EMID1: variants seen among roughly 807,000 people sequenced by gnomAD.
EMID1 encodes EMI domain containing 1.
EMID1 carries 40 observed loss-of-function variants against 60.6 expected under a neutral mutation model. The ratio of observed to expected loss-of-function variants is 0.66; its 90% CI spans 0.51 to 0.86. EMID1 has a LOEUF of 0.86. Ranked by LOEUF, EMID1 falls within the 40% of genes least tolerant of loss-of-function variation. EMID1 has a pLI of 0.00. For missense variants in EMID1, 585 were observed against 597.1 expected, an observed-to-expected ratio of 0.98 and a Z score of 0.21; for synonymous variants, 242 against 231.0, an observed-to-expected ratio of 1.05 and a Z score of -0.43.
At chr22:29,226,638 C>A in intron 5 of EMID1, 87 bp downstream of exon 5, 1 of 1,387,980 alleles carries the variant, frequency 7.2e-7, no homozygotes, top group East Asian at 2.5e-5. Flanking sequence ...ACCTCCTTCC[C>A]CGCACCCCAT....
chr22:29,232,049 C>T, intron 7 of EMID1: 1 of 612,792 alleles, frequency 1.6e-6, no homozygotes, highest in Non-Finnish European at 2.9e-6. Context: ...GGTTTGGGAG[C>T]CCCAAGGAAG....
chr22:29,229,033 C>T (rs1782984431), intron 5 of EMID1, among the ~76,000 whole-genome samples: 1 of 152,168 alleles, frequency 6.6e-6, no homozygotes, highest in African/African-American at 2.4e-5. Flanking sequence ...CAATACTTCC[C>T]TTCCCTAATA....
At chr22:29,212,725 G>A (rs555848469) in intron 1 of EMID1, among the ~76,000 whole-genome samples, 2 of 151,414 alleles carry the variant, frequency 1.3e-5, no homozygotes, top group South Asian at 2.1e-4. Context: ...CATCACACCC[G>A]GCTAATTTTT....
chr22:29,225,008 C>T (rs2040446276), intron 3 of EMID1, 125 bp from the exon 4 acceptor site: 1 of 920,298 alleles, frequency 1.1e-6, no homozygotes, highest in South Asian at 1.5e-5. Flanking sequence ...CATTGCCTCT[C>T]CTCTGGGCCT....
At position 29,236,837 on chromosome 22, in the gene EMID1, C is replaced by T. The variant is rs191576244; in HGVS notation, c.1074+2488C>T. Among the ~76,000 whole-genome samples, 250 of 150,680 alleles carry T rather than the reference C, an allele frequency of 1.7e-3. 1 individual carries two copies. The highest frequency in any genetic ancestry group is 5.9e-3 in the African/African-American group (242 of 41,026). ...TTTGAGGCAGAGTCTTGCTCTGTCG[C>T]CCAGGCTGGAGTCTAGTGGCTGGAT... On this transcript the variant is annotated intron_variant, in intron 12 of 14. Transcript: ENST00000334018.
At chr22:29,213,927 C>T (rs931566337) in intron 1 of EMID1, among the ~76,000 whole-genome samples, 12 of 152,164 alleles carry the variant, frequency 7.9e-5, no homozygotes, top group Admixed American at 7.2e-4. Context: ...GGCTTCTCCA[C>T]GCACCAGCTG....
chr22:29,231,532 G>A (rs1305846468), intron 6 of EMID1, 61 bp from the exon 7 acceptor site: 2 of 1,519,240 alleles, frequency 1.3e-6, no homozygotes, highest in Non-Finnish European at 8.9e-7. Flanking sequence ...GGGGGGCTGG[G>A]GCCAGGGTGG....
intron 13 of EMID1, among the ~76,000 whole-genome samples, chr22:29,246,730 T>C (rs560931241): frequency 6.6e-6 from 1 of 152,296 alleles, no homozygotes; most frequent in African/African-American, 2.4e-5. Flanking sequence ...GACTGGGTTG[T>C]CATCAGTGCA....
chr22:29,215,237 G>A, intron 2 of EMID1, 198 bp downstream of exon 2: 1 of 985,426 alleles, frequency 1.0e-6, no homozygotes, highest in Non-Finnish European at 1.2e-6. Context: ...CCTGAGGGAT[G>A]GATACACCAT....
intron 12 of EMID1, among the ~76,000 whole-genome samples, chr22:29,237,522 G>A (rs942511962): frequency 5.6e-5 from 8 of 144,088 alleles, no homozygotes; most frequent in Non-Finnish European, 7.5e-5. Context: ...TTTCTGGCCA[G>A]GCACGGTGGC....
intron 13 of EMID1, among the ~76,000 whole-genome samples, chr22:29,248,360 G>A (rs2041407019): frequency 6.7e-6 from 1 of 148,276 alleles, no homozygotes; most frequent in Admixed American, 7.0e-5. Flanking sequence ...AGGATCATCA[G>A]TATCACTGTC....
At chr22:29,214,874 A>G in intron 1 of EMID1, 52 bp from the exon 2 acceptor site, 2 of 1,353,036 alleles carry the variant, frequency 1.5e-6, no homozygotes. Context: ...TGGAGTCCCC[A>G]GCAGGGGACC....
At chr22:29,212,142 C>T (rs941051521) in intron 1 of EMID1, among the ~76,000 whole-genome samples, 3 of 152,100 alleles carry the variant, frequency 2.0e-5, no homozygotes, top group Admixed American at 1.3e-4. Flanking sequence ...CACACCACCA[C>T]GCCCAGCTAA....
intron 12 of EMID1, among the ~76,000 whole-genome samples, chr22:29,236,413 G>A (rs920770210): frequency 7.2e-5 from 11 of 152,048 alleles, no homozygotes; most frequent in Admixed American, 1.3e-4. Context: ...TAAATAGTCT[G>A]TGCACGGTGG....
At chr22:29,242,624 A>G (rs922084637) in intron 12 of EMID1, among the ~76,000 whole-genome samples, 2 of 152,220 alleles carry the variant, frequency 1.3e-5, no homozygotes, top group African/African-American at 4.8e-5. Flanking sequence ...AAAAGACTCT[A>G]AATTCTGTTA....
chr22:29,248,343 C>T (rs1376922304), intron 13 of EMID1, among the ~76,000 whole-genome samples: 1 of 148,352 alleles, frequency 6.7e-6, no homozygotes, highest in Non-Finnish European at 1.5e-5. Context: ...TAGGCCTACA[C>T]AGGGTCAGGA....
chr22:29,239,323 G>T lies in EMID1; in HGVS notation c.1075-4122G>T, dbSNP rs181291997. Among the ~76,000 whole-genome samples the T allele has an allele frequency of 4.1e-3, 475 of 114,496 alleles. 89 individuals carry two copies. Among genetic ancestry groups the T allele is most frequent in the African/African-American group, 0.019 (453 of 23,286 alleles). The allele number at this position is 114,496 out of a possible 152,430, so 75.1% of individuals were successfully genotyped here. A position where few individuals can be genotyped will look rare whatever the true frequency, so the allele number is the denominator to read the frequency against. On this transcript the variant is annotated intron_variant, in intron 12 of 14. Coordinates refer to ENST00000334018, the MANE Select transcript of EMID1 (RefSeq NM_133455.4). ...AATTTTTTTTTAATGTAGAGGCAGG[G>T]TTTTACCATGTTACCCAGGCTGGTC...
intron 3 of EMID1, chr22:29,216,452 C>T: frequency 1.0e-6 from 1 of 985,482 alleles, no homozygotes; most frequent in Non-Finnish European, 1.2e-6. Flanking sequence ...TGGGCTGGCC[C>T]AGAACCATCC....
intron 12 of EMID1, among the ~76,000 whole-genome samples, chr22:29,234,902 A>G (rs116761107): frequency 0.039 from 5,968 of 151,246 alleles, 244 homozygotes; most frequent in East Asian, 0.14. Flanking sequence ...AAAGTGCATC[A>G]TGGCTGGGTG....
Sources: allele counts gnomAD v4.1 joint callset (sites outside exome capture counted in the v4.1 genomes callset), GRCh38; gene constraint gnomAD v4.1.1; transcripts MANE v1.5; gene names NCBI Gene and HGNC (gene_info 2026-07-23, HGNC 2026-07-21).